Variants in AIG1 observed in about 807,000 individuals in gnomAD.
The protein encoded by AIG1 is androgen-induced gene 1 protein.
A neutral mutation model predicts 31.4 loss-of-function variants in AIG1; 23 were observed. That is an observed-to-expected ratio of 0.73 (90% CI 0.53 to 1.04). The LOEUF is 1.04. Among genes scored for constraint, AIG1 ranks in the 50% least tolerant of loss-of-function variants. The probability of loss-of-function intolerance (pLI) is 0.00; values close to 1 mark genes in which losing one functional copy is unlikely to be tolerated. For synonymous variants in AIG1, 100 were observed against 110.5 expected, an observed-to-expected ratio of 0.90 and a Z score of 0.60; for missense variants, 274 against 295.0, an observed-to-expected ratio of 0.93 and a Z score of 0.52.
chr6:143,081,680 A>T (rs951648204), intron 1 of AIG1, among the ~76,000 whole-genome samples: 1 of 152,096 alleles, frequency 6.6e-6, no homozygotes, highest in African/African-American at 2.4e-5. Flanking sequence ...GGTGCTGTCA[A>T]TGCCTAAGTG....
At chr6:143,318,470 C>G (rs529340020) in intron 4 of AIG1, among the ~76,000 whole-genome samples, 10 of 152,194 alleles carry the variant, frequency 6.6e-5, no homozygotes, top group African/African-American at 2.4e-4. Flanking sequence ...TCACCTTATA[C>G]AGAAATCAAC....
At chr6:143,155,993 A>G (rs1785707446) in intron 2 of AIG1, among the ~76,000 whole-genome samples, 1 of 152,202 alleles carries the variant, frequency 6.6e-6, no homozygotes, top group African/African-American at 2.4e-5. Flanking sequence ...GCAGGAGTCC[A>G]GGATAGGGAC....
intron 4 of AIG1, among the ~76,000 whole-genome samples, chr6:143,307,519 T>C (rs1583818437): frequency 6.6e-6 from 1 of 152,220 alleles, no homozygotes; most frequent in East Asian, 1.9e-4. Context: ...CAGTGGATTT[T>C]CGTGAACCGC....
intron 3 of AIG1, chr6:143,189,784 C>T: frequency 1.0e-6 from 1 of 984,376 alleles, no homozygotes; most frequent in African/African-American, 1.7e-5. Context: ...AATGTATTTC[C>T]TGAAACACTT....
At chr6:143,197,107 A>C (rs1790300781) in intron 3 of AIG1, among the ~76,000 whole-genome samples, 1 of 151,942 alleles carries the variant, frequency 6.6e-6, no homozygotes, top group Non-Finnish European at 1.5e-5. Flanking sequence ...ATTGTTTAGG[A>C]AAAGACAACT....
chr6:143,187,823 C>T (rs547022118), intron 3 of AIG1: 2 of 1,472,410 alleles, frequency 1.4e-6, no homozygotes. Flanking sequence ...GAAATACGGG[C>T]CTTCAAGAAG....
At chr6:143,246,271 CA>C (rs34362079) in intron 3 of AIG1, among the ~76,000 whole-genome samples, 47,608 of 145,652 alleles carry the variant, frequency 0.33, 8,679 homozygotes, top group East Asian at 0.55. Flanking sequence ...GGGCAATTTA[CA>C]AAAAAAAAAA....
At chr6:143,119,758 C>T (rs1370853122) in intron 1 of AIG1, among the ~76,000 whole-genome samples, 1 of 152,088 alleles carries the variant, frequency 6.6e-6, no homozygotes, top group African/African-American at 2.4e-5. Flanking sequence ...GTGCTTAGCA[C>T]AATCACACAT....
chr6:143,102,580 A>G (rs1780397207), intron 1 of AIG1, among the ~76,000 whole-genome samples: 1 of 148,044 alleles, frequency 6.8e-6, no homozygotes, highest in African/African-American at 2.5e-5. Context: ...TATATATAAT[A>G]TAATATATAT....
intron 4 of AIG1, among the ~76,000 whole-genome samples, chr6:143,313,362 C>T (rs538096603): frequency 3.9e-5 from 6 of 152,238 alleles, no homozygotes; most frequent in African/African-American, 1.4e-4. Flanking sequence ...CAATGGAGTA[C>T]TACTCAGCCA....
At chr6:143,134,076 A>G (rs1257765342) in intron 1 of AIG1, among the ~76,000 whole-genome samples, 1 of 152,114 alleles carries the variant, frequency 6.6e-6, no homozygotes, top group Non-Finnish European at 1.5e-5. Flanking sequence ...CTATATTTCA[A>G]AAGAATAAAA....
chr6:143,311,533 A>G (rs2128707385), intron 4 of AIG1, among the ~76,000 whole-genome samples: 1 of 152,068 alleles, frequency 6.6e-6, no homozygotes, highest in East Asian at 1.9e-4. Context: ...TGTAATACAC[A>G]ACATCAATAA....
intron 3 of AIG1, chr6:143,189,223 T>G (rs1207091083): frequency 2.3e-6 from 1 of 432,220 alleles, no homozygotes; most frequent in East Asian, 1.6e-4. Flanking sequence ...TTTTAAAAAT[T>G]TTTTTGTAGA....
intron 4 of AIG1, among the ~76,000 whole-genome samples, chr6:143,307,717 C>T (rs1799439128): frequency 6.6e-6 from 1 of 152,190 alleles, no homozygotes; most frequent in African/African-American, 2.4e-5. Context: ...GGGAGAACCA[C>T]TGCTCTCTTC....
At chr6:143,187,335 C>T in intron 3 of AIG1, 2 of 1,416,696 alleles carry the variant, frequency 1.4e-6, no homozygotes, top group South Asian at 1.2e-5. Context: ...CTAATCAGAC[C>T]ACAGATATTT....
chr6:143,119,352 T>G (rs1782045885), intron 1 of AIG1, among the ~76,000 whole-genome samples: 1 of 152,220 alleles, frequency 6.6e-6, no homozygotes, highest in African/African-American at 2.4e-5. Flanking sequence ...TTTCAAAGTA[T>G]GCCACATTCT....
intron 3 of AIG1, among the ~76,000 whole-genome samples, chr6:143,171,702 G>A (rs1052328095): frequency 4.0e-5 from 6 of 150,840 alleles, no homozygotes; most frequent in African/African-American, 1.5e-4. Context: ...ACCCGGGAGT[G>A]GGATTTCTGT....
intron 4 of AIG1, among the ~76,000 whole-genome samples, chr6:143,318,063 C>T (rs1470588589): frequency 6.6e-6 from 1 of 152,026 alleles, no homozygotes; most frequent in Non-Finnish European, 1.5e-5. Flanking sequence ...GTGAAAATGA[C>T]CATACTGCCA....
In AIG1 at chr6:143,297,885, G is replaced by T. The variant is rs77304438; in HGVS notation, c.515+13660G>T. The stretch of plus-strand genomic sequence containing the variant: ...CTTTTATTCTTCCTTGCACAATGAC[G>T]TATCCTTGGGCTGTGATATTCTCAC... On this transcript the variant is annotated intron_variant, in intron 4 of 5. Transcript: ENST00000357847. The surrounding 1 kb of genome is among the most constrained non-coding windows in gnomAD (Gnocchi z 5.1). Among the ~76,000 whole-genome samples, 1 of 151,328 alleles carries T rather than the reference G, an allele frequency of 6.6e-6. No homozygotes were observed. The highest frequency in any genetic ancestry group is 1.5e-5 in the Non-Finnish European group (1 of 67,950).
Sources: gnomAD v4.1 joint callset for allele counts (sites outside exome capture counted in the v4.1 genomes callset) on GRCh38, gnomAD v4.1.1 for gene constraint, Gnocchi (gnomAD v3.1) non-coding constraint, MANE v1.5 for transcripts, NCBI Gene and HGNC (gene_info 2026-07-23, HGNC 2026-07-21) for gene names.